Variants in TMTC1 observed in about 807,000 individuals in gnomAD.
The protein encoded by TMTC1 is transmembrane O-mannosyltransferase targeting cadherins 1.
In TMTC1, 73 loss-of-function variants were observed where a neutral mutation model predicts 104.8. That is an observed-to-expected ratio of 0.70 (90% CI 0.58 to 0.85). The LOEUF (loss-of-function observed/expected upper bound fraction) is 0.85, where lower values mean the gene tolerates loss of function less well. TMTC1 is among the 40% of genes least tolerant of loss of function. TMTC1 has a pLI of 0.00. For synonymous variants in TMTC1, 434 were observed against 428.7 expected (o/e 1.01, Z -0.15); for missense variants, 1,035 against 1,096.1 (o/e 0.94, Z 0.79).
chr12:29,538,587 C>T (rs1318627668), intron 10 of TMTC1, among the ~76,000 whole-genome samples: 1 of 151,730 alleles, frequency 6.6e-6, no homozygotes, highest in Non-Finnish European at 1.5e-5. Flanking sequence ...TTTCTTTTGT[C>T]GTGGCTCATA....
In TMTC1 at chr12:29,506,457, A is replaced by C. The variant is rs1298321149; in HGVS notation, c.*389T>G. The C allele has an allele frequency of 5.8e-6, 1 of 171,176 alleles. No individual in the cohort carries two copies. Among genetic ancestry groups the C allele is most frequent in the African/African-American group, 2.4e-5 (1 of 41,902 alleles). 10.6% of individuals were successfully genotyped at this position (171,176 alleles called of 1,614,324 possible). A position where few individuals can be genotyped will look rare whatever the true frequency, so the allele number is the denominator to read the frequency against. On this transcript the variant is annotated 3_prime_UTR_variant, in exon 18 of 18. Transcript: ENST00000539277. ...TTTTGAAATATTTCATCCCATAAAG[A>C]ATAGAAGCTCTGCCTTCATAGCATT...
At chr12:29,623,738 G>A (rs939131975) in intron 6 of TMTC1, among the ~76,000 whole-genome samples, 25 of 152,050 alleles carry the variant, frequency 1.6e-4, no homozygotes, top group African/African-American at 5.3e-4. Context: ...GCTTGAACCC[G>A]GGAGACGGAG....
chr12:29,655,803 G>T (rs573317872), intron 5 of TMTC1, among the ~76,000 whole-genome samples: 203 of 151,992 alleles, frequency 1.3e-3, no homozygotes, highest in Non-Finnish European at 2.5e-3. Context: ...AAAGTTATTA[G>T]GATTTTTAAA....
At chr12:29,611,284 C>T (rs1946840256) in intron 6 of TMTC1, among the ~76,000 whole-genome samples, 1 of 151,652 alleles carries the variant, frequency 6.6e-6, no homozygotes, top group Non-Finnish European at 1.5e-5. Flanking sequence ...TCTTCTCTCA[C>T]AACAGCAATT....
chr12:29,703,096 AT>A (rs1220028053), intron 5 of TMTC1, among the ~76,000 whole-genome samples: 2 of 150,634 alleles, frequency 1.3e-5, no homozygotes, highest in African/African-American at 4.9e-5. Flanking sequence ...GTGAGCCAAG[AT>A]TGCTCCATTG....
At chr12:29,516,238 A>AT in intron 15 of TMTC1, 111 bp downstream of exon 15, 1 of 1,350,960 alleles carries the variant, frequency 7.4e-7, no homozygotes, top group South Asian at 1.5e-5. Flanking sequence ...ATGCTGACGG[A>AT]TAAGATTTAA....
At chr12:29,776,408 T>C (rs1193596518) in intron 1 of TMTC1, among the ~76,000 whole-genome samples, 1 of 152,200 alleles carries the variant, frequency 6.6e-6, no homozygotes, top group Non-Finnish European at 1.5e-5. Context: ...TGCCTCCACT[T>C]TTCTCTTTGA....
intron 7 of TMTC1, among the ~76,000 whole-genome samples, chr12:29,600,235 T>A (rs1160733491): frequency 6.6e-6 from 1 of 152,034 alleles, no homozygotes; most frequent in Non-Finnish European, 1.5e-5. Context: ...GCCTATAGCA[T>A]CTGTAAAATC....
chr12:29,701,421 C>T (rs1332179415), intron 5 of TMTC1, among the ~76,000 whole-genome samples: 1 of 152,164 alleles, frequency 6.6e-6, no homozygotes, highest in Non-Finnish European at 1.5e-5. Context: ...GCTCCCCTGA[C>T]AAGAAATTTT....
chr12:29,734,422 C>A (rs1427160764), intron 5 of TMTC1, among the ~76,000 whole-genome samples: 2 of 152,160 alleles, frequency 1.3e-5, no homozygotes, highest in Admixed American at 6.5e-5. Flanking sequence ...TTCCCGGATA[C>A]CAGTCCTTCT....
chr12:29,568,907 A>G (rs760202553), intron 9 of TMTC1: 14 of 455,892 alleles, frequency 3.1e-5, no homozygotes, highest in Non-Finnish European at 5.3e-5. Flanking sequence ...GAACAGTCGG[A>G]GAGCTCTGGA....
chr12:29,587,226 G>A (rs886817552), intron 7 of TMTC1, among the ~76,000 whole-genome samples: 1 of 152,114 alleles, frequency 6.6e-6, no homozygotes, highest in Non-Finnish European at 1.5e-5. Context: ...CTTGCGTAGA[G>A]GTATTTATAG....
intron 5 of TMTC1, among the ~76,000 whole-genome samples, chr12:29,750,103 G>A (rs1329748999): frequency 1.4e-5 from 2 of 140,418 alleles, no homozygotes; most frequent in African/African-American, 2.8e-5. Flanking sequence ...ACAAACTCCA[G>A]TATCTTCCCA....
rs554652174 is a variant in TMTC1, at chr12:29,504,717, T to A, written c.*2129A>T. 1 of 152,292 alleles carries A rather than the reference T, an allele frequency of 6.6e-6. No individual in the cohort carries two copies. The highest frequency in any genetic ancestry group is 2.1e-4 in the South Asian group (1 of 4,822). 9.4% of individuals were successfully genotyped at this position (152,292 alleles called of 1,614,324 possible). A position where few individuals can be genotyped will look rare whatever the true frequency, so the allele number is the denominator to read the frequency against. ...TTTTAGGCTGAAATCACCATTTCTG[T>A]TATTCCAACAAATGTACTCTCCTAC... On this transcript the variant is annotated 3_prime_UTR_variant, in exon 18 of 18. Coordinates refer to ENST00000539277, the MANE Select transcript of TMTC1 (RefSeq NM_001193451.2).
intron 5 of TMTC1, among the ~76,000 whole-genome samples, chr12:29,657,156 G>A (rs980819871): frequency 1.3e-5 from 2 of 152,136 alleles, no homozygotes; most frequent in African/African-American, 2.4e-5. Flanking sequence ...AAGAATGAAC[G>A]CTCAAATTCA....
intron 5 of TMTC1, among the ~76,000 whole-genome samples, chr12:29,656,982 G>A (rs184678921): frequency 6.6e-6 from 1 of 152,262 alleles, no homozygotes; most frequent in Admixed American, 6.5e-5. Context: ...AGGACCTTGG[G>A]ACAAGCACTT....
intron 7 of TMTC1, among the ~76,000 whole-genome samples, chr12:29,585,472 T>C (rs1195742797): frequency 3.3e-5 from 5 of 152,234 alleles, no homozygotes; most frequent in African/African-American, 1.2e-4. Context: ...ATTTTGGCTT[T>C]TGTTGCCATG....
At chr12:29,680,208 G>A (rs1320389663) in intron 5 of TMTC1, among the ~76,000 whole-genome samples, 1 of 152,026 alleles carries the variant, frequency 6.6e-6, no homozygotes, top group Non-Finnish European at 1.5e-5. Context: ...GAAAACATCA[G>A]ACTGAGCTCG....
chr12:29,776,140 AC>A (rs1943702234), intron 1 of TMTC1, among the ~76,000 whole-genome samples: 2 of 152,118 alleles, frequency 1.3e-5, no homozygotes, highest in African/African-American at 4.8e-5. Context: ...TGTAGTGAGA[AC>A]CCCCTATAAT....
Sources: allele counts gnomAD v4.1 joint callset (sites outside exome capture counted in the v4.1 genomes callset), GRCh38; gene constraint gnomAD v4.1.1; transcripts MANE v1.5; gene names NCBI Gene and HGNC (gene_info 2026-07-23, HGNC 2026-07-21).